Variants in RAB11FIP4 observed in about 807,000 individuals in gnomAD.
The protein encoded by RAB11FIP4 is RAB11 family interacting protein 4, also known as rab11 family-interacting protein 4.
A neutral mutation model predicts 74.3 loss-of-function variants in RAB11FIP4; 23 were observed. That is an observed-to-expected ratio of 0.31 (90% CI 0.22 to 0.44). The LOEUF (loss-of-function observed/expected upper bound fraction) is 0.44. Among genes scored for constraint, RAB11FIP4 ranks in the 20% least tolerant of loss-of-function variants. The pLI is 1.00. For missense variants in RAB11FIP4, 630 were observed against 863.9 expected (o/e 0.73, Z 3.39); for synonymous variants, 360 against 359.9 (o/e 1.00, Z 0.00).
chr17:31,471,291 A>G (rs1424690589), intron 3 of RAB11FIP4, among the ~76,000 whole-genome samples: 1 of 150,004 alleles, frequency 6.7e-6, no homozygotes, highest in Non-Finnish European at 1.5e-5. Flanking sequence ...TCTCAAACTC[A>G]TGGCCTCAGG....
chr17:31,417,250 G>A (rs578225951), intron 1 of RAB11FIP4, among the ~76,000 whole-genome samples: 2 of 152,218 alleles, frequency 1.3e-5, no homozygotes, highest in Admixed American at 6.5e-5. Context: ...CCACCCCTGA[G>A]CAAGGATCTG....
chr17:31,461,053 C>T (rs1407459444), intron 3 of RAB11FIP4, among the ~76,000 whole-genome samples: 1 of 151,346 alleles, frequency 6.6e-6, no homozygotes, highest in African/African-American at 2.4e-5. Context: ...AGAGCCCCCA[C>T]ATACACCACC....
chr17:31,454,493 C>T (rs115191347), intron 3 of RAB11FIP4, among the ~76,000 whole-genome samples: 353 of 152,106 alleles, frequency 2.3e-3, no homozygotes, highest in African/African-American at 7.5e-3. Context: ...AGGTTGTTCT[C>T]GAACCCATGA....
chr17:31,514,406 C>T (rs940004461), intron 3 of RAB11FIP4, among the ~76,000 whole-genome samples: 4 of 152,198 alleles, frequency 2.6e-5, no homozygotes, highest in African/African-American at 7.2e-5. Context: ...CCTCTGGGAG[C>T]TGGTGGGCCA....
At chr17:31,434,204 G>T in intron 3 of RAB11FIP4, 82 bp downstream of exon 3, 1 of 1,201,000 alleles carries the variant, frequency 8.3e-7, no homozygotes, top group Non-Finnish European at 1.2e-6. Flanking sequence ...TTCAGTATCT[G>T]GGAGGACCCA....
intron 3 of RAB11FIP4, among the ~76,000 whole-genome samples, chr17:31,484,071 CT>C (rs530656307): frequency 0.38 from 43,623 of 115,400 alleles, 7,061 homozygotes; most frequent in Middle Eastern, 0.45. Context: ...AAGATCTTAT[CT>C]TTTTTTTTTT....
At chr17:31,476,172 CTTTTTTTTTTTTTTT>C (rs71369069) in intron 3 of RAB11FIP4, among the ~76,000 whole-genome samples, 29 of 63,572 alleles carry the variant, frequency 4.6e-4, no homozygotes, top group African/African-American at 1.6e-3. Context: ...ATCGACTGAA[CTTTTTTTTTTTTTTT>C]TTTTTTTTTT....
intron 3 of RAB11FIP4, among the ~76,000 whole-genome samples, chr17:31,489,522 A>C (rs1197611770): frequency 6.6e-6 from 1 of 152,068 alleles, no homozygotes; most frequent in Non-Finnish European, 1.5e-5. Flanking sequence ...GCACCCTGGC[A>C]CTGGCCCAAA....
Position 31,521,149 on chromosome 17 carries a change from T to C in RAB11FIP4, c.564-17T>C. On this transcript the variant is annotated splice_polypyrimidine_tract_variant and intron_variant, in intron 4 of 14. Transcript: ENST00000621161. ...CCCATGAGTCCTCCTCTGACTTGGGTGCTCTCGGACCCTCAGGTCCCTGGT... is the reference window on the plus strand; with the variant it reads ...CCCATGAGTCCTCCTCTGACTTGGGCGCTCTCGGACCCTCAGGTCCCTGGT... The C allele has an allele frequency of 6.5e-7, 1 of 1,530,996 alleles. No individual in the cohort carries two copies. The highest frequency in any genetic ancestry group is 8.8e-7 in the Non-Finnish European group (1 of 1,130,828). The allele number at this position is 1,530,996 out of a possible 1,614,324, so 94.8% of individuals were successfully genotyped here.
intron 3 of RAB11FIP4, among the ~76,000 whole-genome samples, chr17:31,481,099 A>G (rs1300832196): frequency 1.3e-5 from 2 of 152,130 alleles, no homozygotes; most frequent in Non-Finnish European, 2.9e-5. Flanking sequence ...AGAATGAAGG[A>G]ATGAATTAAA....
chr17:31,521,405 A>G (rs1402896630), intron 5 of RAB11FIP4, 45 bp downstream of exon 5: 1 of 1,524,364 alleles, frequency 6.6e-7, no homozygotes, highest in Non-Finnish European at 8.9e-7. Context: ...AAAGTTGCAG[A>G]AGCAATTTAA....
intron 3 of RAB11FIP4, among the ~76,000 whole-genome samples, chr17:31,447,201 G>A (rs971758700): frequency 4.6e-5 from 7 of 152,122 alleles, no homozygotes; most frequent in East Asian, 1.9e-4. Flanking sequence ...GGAGAATGGC[G>A]TGAACCCGGG....
At chr17:31,511,364 C>G (rs882545) in intron 3 of RAB11FIP4, among the ~76,000 whole-genome samples, 64,209 of 152,036 alleles carry the variant, frequency 0.42, 13,696 homozygotes, top group East Asian at 0.63. Flanking sequence ...CCCGTGTTTA[C>G]ATCAGGCCCA....
chr17:31,437,249 A>C (rs1267851306), intron 3 of RAB11FIP4, among the ~76,000 whole-genome samples: 1 of 152,052 alleles, frequency 6.6e-6, no homozygotes, highest in East Asian at 1.9e-4. Flanking sequence ...GTTGGCAGGG[A>C]GAGGAAGGGG....
At chr17:31,487,670 G>T (rs2071921416) in intron 3 of RAB11FIP4, among the ~76,000 whole-genome samples, 1 of 152,090 alleles carries the variant, frequency 6.6e-6, no homozygotes, top group South Asian at 2.1e-4. Flanking sequence ...GAGCCGGGGA[G>T]CGCCGGCCGG....
intron 3 of RAB11FIP4, among the ~76,000 whole-genome samples, chr17:31,487,763 A>G (rs1347885843): frequency 2.0e-5 from 3 of 151,874 alleles, no homozygotes; most frequent in Non-Finnish European, 2.9e-5. Context: ...CAGGGGCGCG[A>G]GCTCACACGC....
At chr17:31,456,450 G>GC (rs927868308) in intron 3 of RAB11FIP4, among the ~76,000 whole-genome samples, 25 of 152,176 alleles carry the variant, frequency 1.6e-4, no homozygotes, top group African/African-American at 4.3e-4. Flanking sequence ...CAAGCGATCC[G>GC]CCCCCCTCAG....
chr17:31,507,931 A>G (rs999483183), intron 3 of RAB11FIP4, among the ~76,000 whole-genome samples: 2 of 152,086 alleles, frequency 1.3e-5, no homozygotes, highest in Non-Finnish European at 2.9e-5. Context: ...GGCTCAGGTG[A>G]TTCTCTATCC....
chr17:31,507,815 G>GTTTTA (rs558600079), intron 3 of RAB11FIP4, among the ~76,000 whole-genome samples: 2,181 of 151,986 alleles, frequency 0.014, 31 homozygotes, highest in African/African-American at 0.041. Context: ...AATATGTTTT[G>GTTTTA]TTTTATTTTA....
Sources: gnomAD v4.1 joint callset for allele counts (sites outside exome capture counted in the v4.1 genomes callset) on GRCh38, gnomAD v4.1.1 for gene constraint, MANE v1.5 for transcripts, NCBI Gene and HGNC (gene_info 2026-07-23, HGNC 2026-07-21) for gene names.